Variants in IL17RA observed in about 807,000 individuals in gnomAD.
The protein encoded by IL17RA is interleukin-17 receptor A.
In IL17RA, 34 loss-of-function variants were observed where a neutral mutation model predicts 50.4. That is an observed-to-expected ratio of 0.67 (90% CI 0.51 to 0.90). IL17RA has a LOEUF of 0.90. IL17RA is among the 40% of genes least tolerant of loss of function. The pLI, the probability that IL17RA is intolerant of heterozygous loss-of-function variation, is 0.00. For missense variants in IL17RA, 1,276 were observed against 1,169.8 expected (o/e 1.09, Z -1.32); for synonymous variants, 585 against 510.4 (o/e 1.15, Z -1.97).
chr22:17,094,716 T>TATATATATATATATTC lies in IL17RA; in HGVS notation c.139-2344_139-2343insATATATATATATTCAT, dbSNP rs1178787318. Among the ~76,000 whole-genome samples the TATATATATATATATTC allele has an allele frequency of 9.5e-4, 113 of 118,522 alleles. 1 individual carries two copies. Among genetic ancestry groups the TATATATATATATATTC allele is most frequent in the African/African-American group, 3.7e-3 (108 of 29,516 alleles). 77.8% of individuals were successfully genotyped at this position (118,522 alleles called of 152,430 possible). A position where few individuals can be genotyped will look rare whatever the true frequency, so the allele number is the denominator to read the frequency against. On this transcript the variant is annotated intron_variant, in intron 1 of 12. Transcript: ENST00000319363. Reference sequence around the variant, plus strand: ...CTATATATATATATATATATATATATATTCAGGGAGATCTTTTTCATGACT... The same window carrying TATATATATATATATTC: ...CTATATATATATATATATATATATATATATATATATATATTCATTCAGGGAGATCTTTTTCATGACT...
intron 7 of IL17RA, among the ~76,000 whole-genome samples, chr22:17,103,171 T>C (rs1218091734): frequency 6.6e-6 from 1 of 152,140 alleles, no homozygotes; most frequent in African/African-American, 2.4e-5. Context: ...GGTAATACGA[T>C]GAAGCCAGCT....
rs1489292589 is a variant in IL17RA at position 17,110,034 on chromosome 22, G to A, written c.*214G>A. On this transcript the variant is annotated 3_prime_UTR_variant, in exon 13 of 13. Transcript: ENST00000319363. Reference sequence around the variant, plus strand: ...GTCTATCCCCAGGGGAATCCACACAGCCCGCTCCCAGGAGCTAATGGTAGA... The same window carrying A: ...GTCTATCCCCAGGGGAATCCACACAACCCGCTCCCAGGAGCTAATGGTAGA... 1 of 594,366 alleles carries A rather than the reference G, an allele frequency of 1.7e-6. No individual in the cohort carries two copies. The allele number at this position is 594,366 out of a possible 1,614,324, so 36.8% of individuals were successfully genotyped here.
Position 17,103,334 on chromosome 22 carries a change from C to CG in IL17RA, c.763-158dup, listed in dbSNP as rs559678376. Among the ~76,000 whole-genome samples, 12 of 152,288 alleles carry CG rather than the reference C, an allele frequency of 7.9e-5. No homozygotes were observed. In the South Asian group the frequency reaches 2.5e-3, roughly 32 times the overall value. On this transcript the variant is annotated intron_variant, in intron 7 of 12. Coordinates refer to ENST00000319363, the MANE Select transcript of IL17RA (RefSeq NM_014339.7). ...CAATAAACCAGCTTCCATGCAGAAA[C>CG]GGAGTTTTTTTCTGGAATAGAAACC...
At chr22:17,103,777 A>C (rs12172072) in intron 8 of IL17RA, among the ~76,000 whole-genome samples, 200 bp downstream of exon 8, 1,769 of 133,806 alleles carry the variant, frequency 0.013, 16 homozygotes, top group Non-Finnish European at 0.015. Flanking sequence ...GGGAGTGTGC[A>C]CAGGTGGAGA....
chr22:17,105,962 C>T lies in IL17RA; in HGVS notation c.1045+8C>T, dbSNP rs781326740. On this transcript the variant is annotated splice_region_variant and intron_variant, in intron 11 of 12. Coordinates refer to ENST00000319363, the MANE Select transcript of IL17RA (RefSeq NM_014339.7). ...TGACCTGGAGGCTAGCTGGTAAGCGCTGGGGCTCTGGCTGTCCTGGAGTCA... is the reference window on the plus strand; with the variant it reads ...TGACCTGGAGGCTAGCTGGTAAGCGTTGGGGCTCTGGCTGTCCTGGAGTCA... 4.3e-6 allele frequency: 7 copies of T among 1,610,974 alleles called. No homozygotes were observed. Among genetic ancestry groups the T allele is most frequent in the Non-Finnish European group, 5.9e-6 (7 of 1,177,520 alleles).
Position 17,108,781 on chromosome 22 carries a change from C to T in IL17RA, c.1562C>T (p.Pro521Leu). The part of the protein sequence containing the change: ...GDVPDLFGAA[P>L]RYPLMDRFEE... ...GTCCCCGACCTGTTCGGCGCGGCGCCGCGGTACCCGCTCATGGACAGGTTC... is the reference window on the plus strand; with the variant it reads ...GTCCCCGACCTGTTCGGCGCGGCGCTGCGGTACCCGCTCATGGACAGGTTC... The change falls in exon 13 of 13, where the codon CCG becomes CTG. Residue 521 changes from proline to leucine, a missense_variant. Transcript: ENST00000319363. The T allele has an allele frequency of 3.7e-6, 6 of 1,607,230 alleles. No homozygotes were observed. Among genetic ancestry groups the T allele is most frequent in the South Asian group, 1.1e-5 (1 of 90,350 alleles).
intron 2 of IL17RA, chr22:17,097,585 A>C: frequency 1.7e-6 from 1 of 605,370 alleles, no homozygotes; most frequent in Non-Finnish European, 2.9e-6. Context: ...TCTCTCCTAA[A>C]ATTCCCTTTA....
intron 8 of IL17RA, 52 bp from the exon 9 acceptor site, chr22:17,104,674 G>A (rs1050195149): frequency 3.9e-6 from 6 of 1,531,142 alleles, no homozygotes; most frequent in South Asian, 1.1e-5. Flanking sequence ...TGGCTGGAAG[G>A]CATGGGCGCT....
Position 17,109,424 on chromosome 22 carries a change from G to A in IL17RA, c.2205G>A (p.Ala735=), listed in dbSNP as rs776615984. Residue 735 remains alanine (A), a synonymous_variant, in exon 13 of 13, where the codon GCG becomes GCA. Transcript: ENST00000319363. ...DSPLGSSTPM[A]SPDLLPEDVR... The stretch of plus-strand genomic sequence containing the variant: ...CCCTTGGCAGCAGCACCCCCATGGC[G>A]TCTCCTGACCTCCTTCCAGAGGACG... 3 of 1,613,356 alleles carry A rather than the reference G, an allele frequency of 1.9e-6. No individual in the cohort carries two copies. Among genetic ancestry groups the A allele is most frequent in the South Asian group, 1.1e-5 (1 of 91,056 alleles).
Position 17,085,187 on chromosome 22 carries a change from C to A in IL17RA, c.96C>A (p.Ser32=), listed in dbSNP as rs1460478686. 1.3e-6 allele frequency: 2 copies of A among 1,527,824 alleles called. No homozygotes were observed. The highest frequency in any genetic ancestry group is 2.8e-5 in the African/African-American group (2 of 71,274). 94.6% of individuals were successfully genotyped at this position (1,527,824 alleles called of 1,614,324 possible). The change falls in exon 1 of 13, where the codon TCC becomes TCA. Residue 32 remains serine (S), a synonymous_variant. Coordinates refer to ENST00000319363, the MANE Select transcript of IL17RA (RefSeq NM_014339.7). ...GCGTGCTGGCCCCGGGTGGCGCCTC[C>A]CTGCGACTCCTGGACCACCGGGCGC... ...LLGVLAPGGA[S]LRLLDHRALV... is the part of the protein sequence containing the mutation.
chr22:17,090,071 G>T (rs576214492), intron 1 of IL17RA, among the ~76,000 whole-genome samples: 1 of 151,852 alleles, frequency 6.6e-6, no homozygotes, highest in Admixed American at 6.6e-5. Flanking sequence ...CACCCAGGCT[G>T]GAGTGCAGGG....
rs2061412922 is a variant in IL17RA, at chr22:17,105,865, T to A, written c.956T>A (p.Leu319Gln). ...TPEPIPDYMPLWVYWFITGIS... is the reference protein window; with the variant it reads ...TPEPIPDYMPQWVYWFITGIS... ...CTGCTCACCGCAGACTACATGCCCCTGTGGGTGTACTGGTTCATCACGGGC... is the reference window on the plus strand; with the variant it reads ...CTGCTCACCGCAGACTACATGCCCCAGTGGGTGTACTGGTTCATCACGGGC... The change falls in exon 11 of 13, where the codon CTG becomes CAG. Residue 319 changes from leucine (L) to glutamine (Q), a missense_variant. By Grantham distance (113) the Leu-to-Gln change is moderately radical. Coordinates refer to ENST00000319363, the MANE Select transcript of IL17RA (RefSeq NM_014339.7). 3.7e-6 allele frequency: 6 copies of A among 1,613,858 alleles called. No individual in the cohort carries two copies. In the African/African-American group the frequency reaches 8.0e-5, roughly 22 times the overall value.
At position 17,105,840 on chromosome 22, in the gene IL17RA, C is replaced by G. The variant is rs772716073; in HGVS notation, c.944-13C>G. On this transcript the variant is annotated splice_polypyrimidine_tract_variant and intron_variant, in intron 10 of 12. Transcript: ENST00000319363. ...GCCCCGCCGCATCACTCACGCTGTTCTGCTCACCGCAGACTACATGCCCCT... is the reference window on the plus strand; with the variant it reads ...GCCCCGCCGCATCACTCACGCTGTTGTGCTCACCGCAGACTACATGCCCCT... 11 of 1,610,316 alleles carry G rather than the reference C, an allele frequency of 6.8e-6. No individual in the cohort carries two copies. In the Middle Eastern group the frequency reaches 7.0e-4, roughly 102 times the overall value.
chr22:17,098,440 C>T (rs141750719), intron 3 of IL17RA, among the ~76,000 whole-genome samples: 47 of 152,304 alleles, frequency 3.1e-4, no homozygotes, highest in Non-Finnish European at 5.1e-4. Context: ...GCCCTCAGTG[C>T]TCCTGCTGAC....
chr22:17,099,936 G>A (rs1412923587), intron 4 of IL17RA, among the ~76,000 whole-genome samples: 2 of 152,130 alleles, frequency 1.3e-5, no homozygotes, highest in Admixed American at 6.5e-5. Flanking sequence ...TGGCTTTTCC[G>A]TTTGAGGAGG....
At chr22:17,103,441 A>T (rs1251604918) in intron 7 of IL17RA, 53 bp from the exon 8 acceptor site, 1 of 1,483,336 alleles carries the variant, frequency 6.7e-7, no homozygotes, top group Non-Finnish European at 9.4e-7. Context: ...GTTCTTACCC[A>T]ACTAGCCTTA....
rs1601350473 is a variant in IL17RA at position 17,109,194 on chromosome 22, C to A, written c.1975C>A (p.Gln659Lys). Residue 659 changes from glutamine (Q) to lysine (K), a missense_variant, in exon 13 of 13, where the codon CAG becomes AAG. Coordinates refer to ENST00000319363, the MANE Select transcript of IL17RA (RefSeq NM_014339.7). The part of the protein sequence containing the change: ...KLEPHLQPRG[Q>K]PAPQPLHTLV... ...GGAACCTCACCTGCAGCCCCGGGGTCAGCCAGCGCCGCAGCCCCTCCACAC... is the reference window on the plus strand; with the variant it reads ...GGAACCTCACCTGCAGCCCCGGGGTAAGCCAGCGCCGCAGCCCCTCCACAC... 6.6e-7 allele frequency: 1 copy of A among 1,513,946 alleles called. No individual in the cohort carries two copies. Among genetic ancestry groups the A allele is most frequent in the Non-Finnish European group, 8.8e-7 (1 of 1,136,262 alleles). The allele number at this position is 1,513,946 out of a possible 1,614,324, so 93.8% of individuals were successfully genotyped here.
In IL17RA at chr22:17,115,502, G is replaced by C. The variant is rs1422582659; in HGVS notation, c.*5682G>C. 1 of 152,100 alleles carries C rather than the reference G, an allele frequency of 6.6e-6. No homozygotes were observed. The highest frequency in any genetic ancestry group is 1.5e-5 in the Non-Finnish European group (1 of 68,036). 9.4% of individuals were successfully genotyped at this position (152,100 alleles called of 1,614,324 possible). On this transcript the variant is annotated 3_prime_UTR_variant, in exon 13 of 13. Coordinates refer to ENST00000319363, the MANE Select transcript of IL17RA (RefSeq NM_014339.7). ...CCGGGCTGCCCTGAGTGAAACGCCT[G>C]CTTAGCATTTGGCACAGCCAGAAGC...
In IL17RA at chr22:17,100,482, G is replaced by A; in HGVS notation, c.550+1G>A. ...CAGTCCAAGAATTTCCTTGTGCCTGGTAAGAGCATCCTCCCAAGACATTCC... is the reference window on the plus strand; with the variant it reads ...CAGTCCAAGAATTTCCTTGTGCCTGATAAGAGCATCCTCCCAAGACATTCC... On this transcript the variant is annotated splice_donor_variant, in intron 5 of 12. Transcript: ENST00000319363. LOFTEE classifies it high-confidence loss of function. 3.1e-6 allele frequency: 5 copies of A among 1,613,994 alleles called. No individual in the cohort carries two copies. The highest frequency in any genetic ancestry group is 4.2e-6 in the Non-Finnish European group (5 of 1,180,032).
Sources: allele counts gnomAD v4.1 joint callset (sites outside exome capture counted in the v4.1 genomes callset), GRCh38; gene constraint gnomAD v4.1.1; transcripts MANE v1.5; gene names NCBI Gene and HGNC (gene_info 2026-07-23, HGNC 2026-07-21).